GABRB1: variants seen among roughly 807,000 people sequenced by gnomAD.
The protein encoded by GABRB1 is gamma-aminobutyric acid receptor subunit beta-1.
Under a neutral mutation model 51.6 loss-of-function variants are expected in GABRB1, and 17 were observed. The ratio of observed to expected loss-of-function variants is 0.33; its 90% confidence interval spans 0.23 to 0.49. The LOEUF is 0.49. GABRB1 is among the 20% of genes least tolerant of loss of function. The probability of loss-of-function intolerance (pLI) is 0.99; values close to 1 mark genes in which losing one functional copy is unlikely to be tolerated. For synonymous variants in GABRB1, 247 were observed against 218.9 expected (o/e 1.13, Z -1.14); for missense variants, 410 against 600.6 (o/e 0.68, Z 3.32).
Position 47,084,157 on chromosome 4 carries a change from A to T in GABRB1, c.240+51673A>T, listed in dbSNP as rs571690169. Among the ~76,000 whole-genome samples, 3 of 152,318 alleles carry T rather than the reference A, an allele frequency of 2.0e-5. No homozygotes were observed. The East Asian group carries it at 5.8e-4, about 29-fold the overall frequency. On this transcript the variant is annotated intron_variant, in intron 3 of 8. Coordinates refer to ENST00000295454, the MANE Select transcript of GABRB1 (RefSeq NM_000812.4). ...AGGATAAATTAAATTGAAAGTCTCA[A>T]GGTCAAACATCAATAACAGCTTAAA...
chr4:47,178,665 A>C (rs1046482894), intron 4 of GABRB1, among the ~76,000 whole-genome samples: 2 of 152,156 alleles, frequency 1.3e-5, no homozygotes, highest in African/African-American at 2.4e-5. Context: ...CCCATATAAA[A>C]AGGGCAACGA....
At chr4:47,358,540 G>A (rs1458823220) in intron 5 of GABRB1, among the ~76,000 whole-genome samples, 3 of 152,038 alleles carry the variant, frequency 2.0e-5, no homozygotes, top group African/African-American at 7.2e-5. Context: ...TGCTGTTACA[G>A]CTCAAGTTCA....
At chr4:47,277,849 T>C (rs930619365) in intron 4 of GABRB1, among the ~76,000 whole-genome samples, 37 of 152,084 alleles carry the variant, frequency 2.4e-4, no homozygotes, top group Admixed American at 2.0e-4. Context: ...TAAAAGTATA[T>C]ATAACTACAT....
At chr4:47,390,342 A>C (rs1320274745) in intron 5 of GABRB1, among the ~76,000 whole-genome samples, 1 of 152,246 alleles carries the variant, frequency 6.6e-6, no homozygotes, top group East Asian at 1.9e-4. Flanking sequence ...CCACCCATGG[A>C]TTAGAAGCTT....
At chr4:47,400,924 T>A (rs1307528889) in intron 5 of GABRB1, among the ~76,000 whole-genome samples, 1 of 104,138 alleles carries the variant, frequency 9.6e-6, no homozygotes, top group Non-Finnish European at 2.2e-5. Context: ...TTCTTCTCTT[T>A]TTTTTTTTTT....
At chr4:47,387,094 A>G (rs905634292) in intron 5 of GABRB1, among the ~76,000 whole-genome samples, 3 of 152,202 alleles carry the variant, frequency 2.0e-5, no homozygotes, top group Non-Finnish European at 2.9e-5. Context: ...GTCTCAATCA[A>G]GGGAATAATG....
At chr4:47,237,200 G>C (rs2109843387) in intron 4 of GABRB1, among the ~76,000 whole-genome samples, 1 of 152,018 alleles carries the variant, frequency 6.6e-6, no homozygotes, top group African/African-American at 2.4e-5. Flanking sequence ...GTTTAACTTG[G>C]AGTACATCAG....
intron 4 of GABRB1, among the ~76,000 whole-genome samples, chr4:47,201,846 C>T (rs10004181): frequency 0.6 from 91,927 of 151,966 alleles, 28,475 homozygotes; most frequent in Middle Eastern, 0.74. Flanking sequence ...ATGTCTGTCC[C>T]GTCTGTTCCA....
intron 8 of GABRB1, among the ~76,000 whole-genome samples, chr4:47,409,268 C>T (rs915764235): frequency 1.3e-5 from 2 of 152,092 alleles, no homozygotes; most frequent in Non-Finnish European, 2.9e-5. Flanking sequence ...CTTTTTGGTA[C>T]CCAGGTTCTT....
intron 4 of GABRB1, among the ~76,000 whole-genome samples, chr4:47,246,127 C>G (rs1453164848): frequency 6.7e-6 from 1 of 149,686 alleles, no homozygotes; most frequent in African/African-American, 2.4e-5. Flanking sequence ...TTTGCATCCT[C>G]ATAACTTAGC....
chr4:47,083,279 G>T (rs148369147), intron 3 of GABRB1, among the ~76,000 whole-genome samples: 1 of 152,184 alleles, frequency 6.6e-6, no homozygotes, highest in East Asian at 1.9e-4. Flanking sequence ...AAGTTTGTGG[G>T]TTATACTGAC....
At chr4:47,191,976 C>T (rs1560578633) in intron 4 of GABRB1, among the ~76,000 whole-genome samples, 1 of 151,992 alleles carries the variant, frequency 6.6e-6, no homozygotes, top group Non-Finnish European at 1.5e-5. Flanking sequence ...TTTTGACTGG[C>T]CATTTAAAGA....
At chr4:47,271,224 T>C (rs1039628472) in intron 4 of GABRB1, among the ~76,000 whole-genome samples, 3 of 152,170 alleles carry the variant, frequency 2.0e-5, no homozygotes, top group African/African-American at 7.2e-5. Context: ...CTAGTATTTA[T>C]AGTATAGCCC....
In GABRB1 at chr4:47,031,599, T is replaced by C; in HGVS notation, c.-53T>C. ...AATTACTGCCCAGCAGCCGACTAAG[T>C]TGCATTCCTTGAATCTTCGCAGAAA... is the stretch of plus-strand genomic sequence containing the variant. On this transcript the variant is annotated 5_prime_UTR_variant, in exon 1 of 9. Coordinates refer to ENST00000295454, the MANE Select transcript of GABRB1 (RefSeq NM_000812.4). 6.8e-7 allele frequency: 1 copy of C among 1,475,432 alleles called. No individual in the cohort carries two copies. The highest frequency in any genetic ancestry group is 9.5e-7 in the Non-Finnish European group (1 of 1,053,890). 91.4% of individuals were successfully genotyped at this position (1,475,432 alleles called of 1,614,324 possible).
intron 4 of GABRB1, among the ~76,000 whole-genome samples, chr4:47,291,230 G>A (rs1723718655): frequency 6.6e-6 from 1 of 152,192 alleles, no homozygotes; most frequent in South Asian, 2.1e-4. Flanking sequence ...GAGGACGGAA[G>A]CCCCAGGCCT....
At chr4:47,234,251 G>A (rs1721241277) in intron 4 of GABRB1, among the ~76,000 whole-genome samples, 1 of 152,124 alleles carries the variant, frequency 6.6e-6, no homozygotes, top group South Asian at 2.1e-4. Flanking sequence ...ACTTTGGAAG[G>A]CCAAGGCGGG....
chr4:47,096,431 A>G (rs1395035150), intron 3 of GABRB1, among the ~76,000 whole-genome samples: 1 of 152,228 alleles, frequency 6.6e-6, no homozygotes, highest in Non-Finnish European at 1.5e-5. Flanking sequence ...AAATGTACCA[A>G]TAACAGTAAT....
In GABRB1 at chr4:47,350,214, T is replaced by TAGAG. The variant is rs1477528549; in HGVS notation, c.544+30006_544+30007insGAGA. Among the ~76,000 whole-genome samples, 630 of 79,522 alleles carry TAGAG rather than the reference T, an allele frequency of 7.9e-3. 2 individuals carry two copies. The highest frequency in any genetic ancestry group is 0.012 in the African/African-American group (221 of 18,202). The allele number at this position is 79,522 out of a possible 152,430, so 52.2% of individuals were successfully genotyped here. A position where few individuals can be genotyped will look rare whatever the true frequency, so the allele number is the denominator to read the frequency against. On this transcript the variant is annotated intron_variant, in intron 5 of 8. Transcript: ENST00000295454. ...ATATATATATATATATATATATATA[T>TAGAG]ATATAGAGAGAGAGAGAGAGAGAGA...
intron 5 of GABRB1, among the ~76,000 whole-genome samples, chr4:47,347,163 TCC>T (rs1188962570): frequency 5.9e-5 from 9 of 151,896 alleles, no homozygotes; most frequent in Admixed American, 5.9e-4. Context: ...TCGACTGTAA[TCC>T]CAGCTACTTG....
Sources: gnomAD v4.1 joint callset for allele counts (sites outside exome capture counted in the v4.1 genomes callset) on GRCh38, gnomAD v4.1.1 for gene constraint, MANE v1.5 for transcripts, NCBI Gene and HGNC (gene_info 2026-07-23, HGNC 2026-07-21) for gene names.